Variants in UNC80 observed in about 807,000 individuals in gnomAD.
UNC80 encodes protein unc-80 homolog.
Under a neutral mutation model 384.6 loss-of-function variants are expected in UNC80, and 164 were observed. The ratio of observed to expected loss-of-function variants is 0.43; its 90% CI spans 0.38 to 0.49. The LOEUF is 0.49. UNC80 is among the 20% of genes least tolerant of loss of function. The probability of loss-of-function intolerance (pLI) is 0.00; values close to 1 mark genes in which losing one functional copy is unlikely to be tolerated. For missense variants in UNC80, 3,330 were observed against 4,143.0 expected (o/e 0.80, Z 5.39); for synonymous variants, 1,486 against 1,527.8 (o/e 0.97, Z 0.64).
chr2:209,972,865 C>A (rs1442793266), intron 55 of UNC80, among the ~76,000 whole-genome samples, 199 bp from the exon 56 acceptor site: 1 of 152,122 alleles, frequency 6.6e-6, no homozygotes, highest in African/African-American at 2.4e-5. Flanking sequence ...TTGTTGGGTA[C>A]CCACTATGGA....
intron 61 of UNC80, among the ~76,000 whole-genome samples, chr2:209,985,398 A>C (rs1376873980): frequency 6.6e-6 from 1 of 152,248 alleles, no homozygotes; most frequent in Non-Finnish European, 1.5e-5. Flanking sequence ...ATGTGGATAC[A>C]ATTTATATAC....
chr2:209,975,542 T>A (rs1235104345), intron 56 of UNC80, among the ~76,000 whole-genome samples: 1 of 152,186 alleles, frequency 6.6e-6, no homozygotes, highest in African/African-American at 2.4e-5. Context: ...CCTGCACGCA[T>A]TTACTGGTTA....
chr2:209,840,688 G>A (rs1341448433), intron 20 of UNC80, 40 bp downstream of exon 20: 9 of 1,491,428 alleles, frequency 6.0e-6, no homozygotes, highest in East Asian at 2.5e-5. Context: ...TGTTGAAGTC[G>A]CTGATACAAA....
At chr2:209,950,267 A>G (rs2092108970) in intron 47 of UNC80, among the ~76,000 whole-genome samples, 1 of 152,110 alleles carries the variant, frequency 6.6e-6, no homozygotes. Flanking sequence ...ACATTTTTCT[A>G]GGAATTTTTC....
At chr2:209,799,263 T>C (rs2078381092) in intron 7 of UNC80, among the ~76,000 whole-genome samples, 1 of 152,128 alleles carries the variant, frequency 6.6e-6, no homozygotes, top group Admixed American at 6.5e-5. Flanking sequence ...CAGTGGTTTG[T>C]AGTTCTCCTT....
At chr2:209,815,491 G>T in intron 9 of UNC80, 100 bp downstream of exon 9, 1 of 1,329,416 alleles carries the variant, frequency 7.5e-7, no homozygotes, top group Non-Finnish European at 1.0e-6. Context: ...GGTGAGGTGG[G>T]AAAGGGAACT....
At chr2:209,908,757 C>T (rs968045344) in intron 29 of UNC80, among the ~76,000 whole-genome samples, 3 of 152,180 alleles carry the variant, frequency 2.0e-5, no homozygotes, top group Non-Finnish European at 4.4e-5. Context: ...TATTGTAAGG[C>T]CAAGACCAGG....
chr2:209,950,593 T>C (rs2092127239), intron 47 of UNC80, among the ~76,000 whole-genome samples: 1 of 151,526 alleles, frequency 6.6e-6, no homozygotes, highest in Admixed American at 6.6e-5. Context: ...GTTTTCGTTC[T>C]TGTTGCCCAG....
At chr2:209,957,322 AC>A (rs2092452429) in intron 48 of UNC80, among the ~76,000 whole-genome samples, 1 of 152,102 alleles carries the variant, frequency 6.6e-6, no homozygotes, top group Non-Finnish European at 1.5e-5. Context: ...TGACCTCTTT[AC>A]TCTCAACTGG....
chr2:209,963,501 C>T (rs952138754), intron 51 of UNC80, among the ~76,000 whole-genome samples: 7 of 152,204 alleles, frequency 4.6e-5, no homozygotes, highest in African/African-American at 7.2e-5. Context: ...TTCAGCTCTA[C>T]GTAGTCTTTG....
At chr2:209,919,542 C>T (rs1235024671) in intron 33 of UNC80, among the ~76,000 whole-genome samples, 2 of 152,168 alleles carry the variant, frequency 1.3e-5, no homozygotes, top group East Asian at 1.9e-4. Flanking sequence ...ATGGCCAAAA[C>T]AACTTACTGT....
intron 7 of UNC80, among the ~76,000 whole-genome samples, chr2:209,799,058 T>C (rs901187640): frequency 7.3e-6 from 1 of 137,230 alleles, no homozygotes; most frequent in Non-Finnish European, 1.5e-5. Context: ...TATTTTAAAT[T>C]CATTATTTTA....
chr2:209,952,081 A>G (rs969757776), intron 47 of UNC80, among the ~76,000 whole-genome samples: 1 of 152,040 alleles, frequency 6.6e-6, no homozygotes, highest in African/African-American at 2.4e-5. Flanking sequence ...GAAATTCTCC[A>G]TTTTGTTATC....
intron 39 of UNC80, among the ~76,000 whole-genome samples, chr2:209,935,145 A>G (rs2091159439): frequency 6.6e-6 from 1 of 152,218 alleles, no homozygotes; most frequent in Non-Finnish European, 1.5e-5. Flanking sequence ...TCTAGAAAAC[A>G]GGGATGTACT....
At chr2:209,938,686 C>G (rs976916460) in intron 42 of UNC80, among the ~76,000 whole-genome samples, 1 of 109,482 alleles carries the variant, frequency 9.1e-6, no homozygotes. Context: ...GTCTCTCTCT[C>G]TCTCTCTCTC....
At position 209,936,985 on chromosome 2, in the gene UNC80, G is replaced by A. The variant is rs1479722791; in HGVS notation, c.6363+52G>A. ...TTGAGTTGTGCCAAAGGCTTATCAT[G>A]CCTACCTGAGGGTGGCTCACAGTCA... is the stretch of plus-strand genomic sequence containing the variant. On this transcript the variant is annotated intron_variant, in intron 41 of 64. Transcript: ENST00000673920. 5 of 1,281,804 alleles carry A rather than the reference G, an allele frequency of 3.9e-6. No individual in the cohort carries two copies. In the African/African-American group the frequency reaches 4.4e-5, roughly 11 times the overall value. The allele number at this position is 1,281,804 out of a possible 1,614,324, so 79.4% of individuals were successfully genotyped here. A position where few individuals can be genotyped will look rare whatever the true frequency, so the allele number is the denominator to read the frequency against.
chr2:209,823,053 A>G (rs2080254135), intron 13 of UNC80, among the ~76,000 whole-genome samples: 1 of 152,226 alleles, frequency 6.6e-6, no homozygotes. Context: ...CTTCAGTGGA[A>G]TCAGAAGGTT....
intron 25 of UNC80, 139 bp downstream of exon 25, chr2:209,881,233 T>A (rs2085262451): frequency 1.0e-6 from 1 of 986,290 alleles, no homozygotes; most frequent in Admixed American, 3.2e-5. Context: ...CAAGGGATTT[T>A]GAAACATAAA....
chr2:209,913,890 C>A lies in UNC80; in HGVS notation c.4979C>A (p.Ala1660Asp). Residue 1660 changes from alanine to aspartate, a missense_variant, in exon 31 of 65, where the codon GCT becomes GAT. Physicochemically the swap from Ala to Asp is moderately radical, Grantham distance 126. Around this residue, in one of 8 missense-constraint regions of UNC80, gnomAD observed 801 missense variants for 950.8 expected, o/e 0.84. Coordinates refer to ENST00000673920, the MANE Select transcript of UNC80 (RefSeq NM_001371986.1). ...TEEMYGDIQP[A>D]AWELLLSMDE... ...GAGATGTACGGAGACATCCAGCCAGCTGCCTGGGAGCTCCTGCTCAGCATG... is the reference window on the plus strand; with the variant it reads ...GAGATGTACGGAGACATCCAGCCAGATGCCTGGGAGCTCCTGCTCAGCATG... 1 of 1,551,348 alleles carries A rather than the reference C, an allele frequency of 6.4e-7. No individual in the cohort carries two copies. Among genetic ancestry groups the A allele is most frequent in the South Asian group, 1.2e-5 (1 of 84,024 alleles).
Sources: allele counts gnomAD v4.1 joint callset (sites outside exome capture counted in the v4.1 genomes callset), GRCh38; gene constraint gnomAD v4.1.1; regional missense constraint gnomAD v4.1.1; transcripts MANE v1.5; gene names NCBI Gene and HGNC (gene_info 2026-07-23, HGNC 2026-07-21).